The following SNX29 variants were observed in gnomAD, a reference collection of about 807,000 sequenced individuals.
The protein encoded by SNX29 is sorting nexin 29, also known as sorting nexin-29.
A neutral mutation model predicts 102.1 loss-of-function variants in SNX29; 78 were observed. The observed-to-expected ratio is 0.76, with a 90% CI of 0.64 to 0.92. The LOEUF (loss-of-function observed/expected upper bound fraction) is 0.92. Ranked by LOEUF, SNX29 falls within the 40% of genes least tolerant of loss-of-function variation. The pLI, the probability that SNX29 is intolerant of heterozygous loss-of-function variation, is 0.00. For synonymous variants in SNX29, 580 were observed against 414.5 expected (o/e 1.40, Z -4.85); for missense variants, 1,280 against 1,061.7 (o/e 1.21, Z -2.86).
At chr16:12,174,011 C>T (rs1207964360) in intron 13 of SNX29, among the ~76,000 whole-genome samples, 2 of 152,220 alleles carry the variant, frequency 1.3e-5, no homozygotes, top group Non-Finnish European at 2.9e-5. Flanking sequence ...AAATCTTGAC[C>T]TTAAGTGGTC....
intron 1 of SNX29, among the ~76,000 whole-genome samples, chr16:11,991,986 G>GT (rs1316216029): frequency 6.6e-6 from 1 of 152,076 alleles, no homozygotes; most frequent in African/African-American, 2.4e-5. Flanking sequence ...ACATCTACCT[G>GT]TTGCAGTCCT....
Position 12,515,783 on chromosome 16 carries a change from T to C in SNX29, c.2179-8919T>C, listed in dbSNP as rs2089836534. ...CCTTCAAGGCACGGTGCCTTGGACA[T>C]ATGCAGGCATGCGGCAGATAGTCAC... On this transcript the variant is annotated intron_variant, in intron 19 of 20. Coordinates refer to ENST00000566228, the MANE Select transcript of SNX29 (RefSeq NM_032167.5). Among the ~76,000 whole-genome samples, 3 of 152,106 alleles carry C rather than the reference T, an allele frequency of 2.0e-5. No homozygotes were observed. In the South Asian group the frequency reaches 6.2e-4, roughly 32 times the overall value.
intron 15 of SNX29, among the ~76,000 whole-genome samples, chr16:12,313,274 G>A (rs973398470): frequency 3.9e-5 from 6 of 152,200 alleles, no homozygotes; most frequent in Admixed American, 3.3e-4. Flanking sequence ...TCGGCCTCCC[G>A]AAGTGCTGGG....
intron 20 of SNX29, chr16:12,560,777 TTTATTTTCCATGCCCTTAAGA>T (rs2078682576): frequency 5.7e-6 from 1 of 175,662 alleles, no homozygotes; most frequent in African/African-American, 2.4e-5. Flanking sequence ...CCCTCTGTGC[TTTATTTTCCATGCCCTTAAGA>T]TTAGGATGGT....
chr16:12,493,385 T>G (rs1475685708), intron 19 of SNX29, among the ~76,000 whole-genome samples: 1 of 152,242 alleles, frequency 6.6e-6, no homozygotes, highest in Non-Finnish European at 1.5e-5. Context: ...ACATTGATTT[T>G]GTATCCTGAG....
At chr16:12,102,508 T>C (rs979915656) in intron 11 of SNX29, among the ~76,000 whole-genome samples, 6 of 152,228 alleles carry the variant, frequency 3.9e-5, no homozygotes, top group Non-Finnish European at 5.9e-5. Context: ...TGCATTTCTC[T>C]AATGGCCAGT....
chr16:12,357,595 A>G (rs1426543090), intron 16 of SNX29, among the ~76,000 whole-genome samples: 2 of 152,194 alleles, frequency 1.3e-5, no homozygotes, highest in East Asian at 3.8e-4. Flanking sequence ...GTTGAGTGGC[A>G]TTAAGTACGT....
At chr16:12,426,911 C>A (rs1210934867) in intron 18 of SNX29, among the ~76,000 whole-genome samples, 1 of 152,200 alleles carries the variant, frequency 6.6e-6, no homozygotes, top group East Asian at 1.9e-4. Context: ...AGTGATCCAC[C>A]TGCCTCGGCC....
At position 12,115,175 on chromosome 16, in the gene SNX29, C is replaced by T. The variant is rs569296016; in HGVS notation, c.1403-11458C>T. ...AAGCTGAAGTCCGTCCCTCCCCCTC[C>T]GTTGCTTTTTCCTTCAGCCCCCCTC... On this transcript the variant is annotated intron_variant, in intron 11 of 20. Coordinates refer to ENST00000566228, the MANE Select transcript of SNX29 (RefSeq NM_032167.5). 3.3e-5 allele frequency among the ~76,000 whole-genome samples: 5 copies of T among 152,230 alleles called. No homozygotes were observed. In the East Asian group the frequency reaches 7.8e-4, roughly 24 times the overall value.
intron 16 of SNX29, among the ~76,000 whole-genome samples, chr16:12,392,223 C>A (rs1445136766): frequency 6.6e-6 from 1 of 152,202 alleles, no homozygotes; most frequent in African/African-American, 2.4e-5. Context: ...GCTGCGCAGC[C>A]TGGCTATGAG....
intron 19 of SNX29, among the ~76,000 whole-genome samples, chr16:12,517,901 A>G (rs918200261): frequency 6.6e-6 from 1 of 152,174 alleles, no homozygotes; most frequent in Admixed American, 6.5e-5. Flanking sequence ...CTTCTGGGAC[A>G]TCCCAGATGA....
At chr16:12,328,406 C>T (rs970053514) in intron 15 of SNX29, among the ~76,000 whole-genome samples, 8 of 152,174 alleles carry the variant, frequency 5.3e-5, no homozygotes, top group African/African-American at 1.4e-4. Flanking sequence ...AACAGAAAGC[C>T]CTTGGCTGCC....
chr16:12,246,178 G>T (rs1303166333), intron 14 of SNX29, among the ~76,000 whole-genome samples: 1 of 152,124 alleles, frequency 6.6e-6, no homozygotes, highest in Non-Finnish European at 1.5e-5. Flanking sequence ...AATTGAGGCT[G>T]ATGTATATTA....
intron 11 of SNX29, among the ~76,000 whole-genome samples, chr16:12,125,196 A>T (rs568764732): frequency 2.6e-5 from 4 of 152,274 alleles, no homozygotes; most frequent in African/African-American, 7.2e-5. Context: ...AGCGAAAGTG[A>T]ATGTGTGTTC....
In SNX29 at chr16:12,524,085, C is replaced by T. The variant is rs563734106; in HGVS notation, c.2179-617C>T. ...TTAGTAGAGAAACGTGGGGTTTCTCCAGGTTGGTTAGGCTGGTCTCAAACT... is the reference window on the plus strand; with the variant it reads ...TTAGTAGAGAAACGTGGGGTTTCTCTAGGTTGGTTAGGCTGGTCTCAAACT... On this transcript the variant is annotated intron_variant, in intron 19 of 20. Coordinates refer to ENST00000566228, the MANE Select transcript of SNX29 (RefSeq NM_032167.5). 2.6e-5 allele frequency among the ~76,000 whole-genome samples: 4 copies of T among 152,228 alleles called. No individual in the cohort carries two copies. In the South Asian group the frequency reaches 8.3e-4, roughly 32 times the overall value.
chr16:12,024,557 G>A (rs1188511414), intron 3 of SNX29, among the ~76,000 whole-genome samples: 2 of 152,206 alleles, frequency 1.3e-5, no homozygotes, highest in Non-Finnish European at 2.9e-5. Flanking sequence ...AGGCATCATA[G>A]TGATCTAATT....
intron 20 of SNX29, among the ~76,000 whole-genome samples, chr16:12,542,577 C>T (rs559804665): frequency 3.3e-5 from 5 of 152,184 alleles, no homozygotes; most frequent in African/African-American, 1.2e-4. Context: ...AGTGATCCAC[C>T]CGCCTCAGCC....
At chr16:12,427,178 G>A (rs1449819912) in intron 18 of SNX29, among the ~76,000 whole-genome samples, 1 of 152,118 alleles carries the variant, frequency 6.6e-6, no homozygotes, top group African/African-American at 2.4e-5. Flanking sequence ...GCTGGGAAAT[G>A]ACTCAAGGTG....
At chr16:12,548,553 G>A (rs1214327482) in intron 20 of SNX29, among the ~76,000 whole-genome samples, 1 of 152,156 alleles carries the variant, frequency 6.6e-6, no homozygotes, top group Admixed American at 6.6e-5. Flanking sequence ...TCCCTCTAGG[G>A]ATTTTCTATG....
Sources: gnomAD v4.1 joint callset for allele counts (sites outside exome capture counted in the v4.1 genomes callset) on GRCh38, gnomAD v4.1.1 for gene constraint, MANE v1.5 for transcripts, NCBI Gene and HGNC (gene_info 2026-07-23, HGNC 2026-07-21) for gene names.